Variants in TENM4 observed in about 807,000 individuals in gnomAD.
The protein encoded by TENM4 is teneurin transmembrane protein 4.
TENM4 carries 82 observed loss-of-function variants against 243.3 expected under a neutral mutation model. The ratio of observed to expected loss-of-function variants is 0.34; its 90% CI spans 0.28 to 0.40. The LOEUF is 0.40. Ranked by LOEUF, TENM4 falls within the 10% of genes least tolerant of loss-of-function variation. The pLI is 1.00. For missense variants in TENM4, 3,138 were observed against 3,673.3 expected (o/e 0.85, Z 3.77); for synonymous variants, 1,412 against 1,456.3 (o/e 0.97, Z 0.69).
intron 1 of TENM4, among the ~76,000 whole-genome samples, chr11:79,377,524 T>C (rs1220613319): frequency 6.6e-6 from 1 of 152,184 alleles, no homozygotes; most frequent in African/African-American, 2.4e-5. Flanking sequence ...AGAGTAACAG[T>C]TCGCACCTGC....
Position 79,171,415 on chromosome 11 carries a change from C to T in TENM4, c.-162-22609G>A, listed in dbSNP as rs1431959090. Among the ~76,000 whole-genome samples, 3 of 152,214 alleles carry T rather than the reference C, an allele frequency of 2.0e-5. No individual in the cohort carries two copies. The East Asian group carries it at 5.8e-4, about 29-fold the overall frequency. Reference sequence around the variant, plus strand: ...TGAGGATTATCTTCCAAGACTGTGCCTTCCTAGAGGGAAACCCAGCCATGG... The same window carrying T: ...TGAGGATTATCTTCCAAGACTGTGCTTTCCTAGAGGGAAACCCAGCCATGG... On this transcript the variant is annotated intron_variant, in intron 3 of 33. Coordinates refer to ENST00000278550, the MANE Select transcript of TENM4 (RefSeq NM_001098816.3).
chr11:79,167,825 T>C (rs55668959), intron 3 of TENM4, among the ~76,000 whole-genome samples: 4,843 of 152,256 alleles, frequency 0.032, 261 homozygotes, highest in African/African-American at 0.11. Flanking sequence ...ACCAGGCTCC[T>C]TCTGTGTCCA....
At chr11:79,371,352 G>A (rs1047693919) in intron 1 of TENM4, among the ~76,000 whole-genome samples, 1 of 152,196 alleles carries the variant, frequency 6.6e-6, no homozygotes, top group Non-Finnish European at 1.5e-5. Context: ...TGCAGCTGGA[G>A]AAGAGTTGGG....
At chr11:79,242,318 T>C (rs1855436109) in intron 2 of TENM4, among the ~76,000 whole-genome samples, 1 of 152,192 alleles carries the variant, frequency 6.6e-6, no homozygotes, top group African/African-American at 2.4e-5. Context: ...TTTTCCTTCA[T>C]TGCCTGTGAG....
chr11:79,419,318 T>C (rs1473378048), intron 1 of TENM4, among the ~76,000 whole-genome samples: 2 of 152,200 alleles, frequency 1.3e-5, no homozygotes, highest in African/African-American at 4.8e-5. Flanking sequence ...TCACTGCTTA[T>C]AAACCACCAG....
chr11:79,409,348 C>G (rs1284979473), intron 1 of TENM4, among the ~76,000 whole-genome samples: 1 of 151,964 alleles, frequency 6.6e-6, no homozygotes, highest in Admixed American at 6.6e-5. Flanking sequence ...GGGCATAGAG[C>G]AGGACTGAAA....
At chr11:79,287,495 G>A (rs1422167078) in intron 2 of TENM4, among the ~76,000 whole-genome samples, 19 of 152,142 alleles carry the variant, frequency 1.2e-4, no homozygotes, top group Non-Finnish European at 7.4e-5. Context: ...TGTAGATCAT[G>A]AATGTCTAGT....
intron 4 of TENM4, among the ~76,000 whole-genome samples, chr11:79,120,901 A>G (rs1861731550): frequency 1.3e-5 from 2 of 152,328 alleles, no homozygotes; most frequent in South Asian, 4.1e-4. Context: ...AATCTATGAG[A>G]TAGACATTAC....
At chr11:78,718,335 G>A (rs1052333890) in intron 25 of TENM4, among the ~76,000 whole-genome samples, 6 of 152,060 alleles carry the variant, frequency 3.9e-5, no homozygotes, top group East Asian at 1.9e-4. Flanking sequence ...TTTTAGTACC[G>A]AAGAAAACAA....
intron 1 of TENM4, among the ~76,000 whole-genome samples, chr11:79,394,091 G>A (rs548446556): frequency 6.6e-6 from 1 of 152,328 alleles, no homozygotes; most frequent in South Asian, 2.1e-4. Context: ...CACCTCACCT[G>A]CGGAAATGCC....
At chr11:79,090,405 A>G (rs112526145) in intron 4 of TENM4, among the ~76,000 whole-genome samples, 1 of 152,268 alleles carries the variant, frequency 6.6e-6, no homozygotes, top group Non-Finnish European at 1.5e-5. Flanking sequence ...TAAATGCAAC[A>G]TGCAGACACC....
chr11:78,672,013 G>T lies in TENM4; in HGVS notation c.5793+20C>A. 6.2e-7 allele frequency: 1 copy of T among 1,602,624 alleles called. No homozygotes were observed. Among genetic ancestry groups the T allele is most frequent in the Non-Finnish European group, 8.5e-7 (1 of 1,173,328 alleles). Reference sequence around the variant, plus strand: ...CCTTCTGTATGGCAAGGCCAGTGATGCAGGGAGACAGACACCTGCCTTCTC... The same window carrying T: ...CCTTCTGTATGGCAAGGCCAGTGATTCAGGGAGACAGACACCTGCCTTCTC... On this transcript the variant is annotated intron_variant, in intron 31 of 33. Transcript: ENST00000278550.
intron 3 of TENM4, among the ~76,000 whole-genome samples, chr11:79,178,759 G>T: frequency 6.6e-6 from 1 of 152,130 alleles, no homozygotes; most frequent in East Asian, 1.9e-4. Flanking sequence ...CCACCCACAG[G>T]GTCCAGCACA....
chr11:78,908,483 C>T (rs1856113713), intron 6 of TENM4, among the ~76,000 whole-genome samples: 2 of 152,154 alleles, frequency 1.3e-5, no homozygotes, highest in Non-Finnish European at 2.9e-5. Context: ...CACTCTTCAG[C>T]GTTTACAACA....
In TENM4 at chr11:78,702,484, C is replaced by T. The variant is rs1859132466; in HGVS notation, c.4210-81G>A. On this transcript the variant is annotated intron_variant, in intron 27 of 33. Coordinates refer to ENST00000278550, the MANE Select transcript of TENM4 (RefSeq NM_001098816.3). ...ATCCCATAGCCCATGTAGCCCATAA[C>T]AGTGTCCAAAGTGGCTTCATATACA... 4 of 1,516,960 alleles carry T rather than the reference C, an allele frequency of 2.6e-6. No homozygotes were observed. In the African/African-American group the frequency reaches 4.1e-5, roughly 16 times the overall value. 94.0% of individuals were successfully genotyped at this position (1,516,960 alleles called of 1,614,324 possible).
At chr11:79,409,987 A>T (rs1300804514) in intron 1 of TENM4, among the ~76,000 whole-genome samples, 2 of 152,156 alleles carry the variant, frequency 1.3e-5, no homozygotes, top group Admixed American at 6.5e-5. Flanking sequence ...GCCACACTGG[A>T]AGAAGAACTG....
intron 1 of TENM4, among the ~76,000 whole-genome samples, chr11:79,299,333 C>CT (rs1856513584): frequency 6.6e-6 from 1 of 152,170 alleles, no homozygotes; most frequent in South Asian, 2.1e-4. Flanking sequence ...CAGCTAGTAA[C>CT]TGAAGGAGCC....
rs1193173420 is a variant in TENM4, at chr11:78,888,504, T to C, written c.1084+1281A>G. Among the ~76,000 whole-genome samples the C allele has an allele frequency of 2.6e-5, 4 of 152,240 alleles. No homozygotes were observed. In the South Asian group the frequency reaches 8.3e-4, roughly 31 times the overall value. On this transcript the variant is annotated intron_variant, in intron 9 of 33. Coordinates refer to ENST00000278550, the MANE Select transcript of TENM4 (RefSeq NM_001098816.3). Reference sequence around the variant, plus strand: ...TGTCATCTTCCTGGTCACTTATTTTTATAAAATTCAAGAATCTTGAGTGGA... The same window carrying C: ...TGTCATCTTCCTGGTCACTTATTTTCATAAAATTCAAGAATCTTGAGTGGA...
intron 2 of TENM4, among the ~76,000 whole-genome samples, chr11:79,285,830 A>G (rs1301981920): frequency 6.6e-6 from 1 of 152,106 alleles, no homozygotes; most frequent in Non-Finnish European, 1.5e-5. Context: ...AGGCAAGTCC[A>G]TAAAGAGGGA....
Sources: allele counts gnomAD v4.1 joint callset (sites outside exome capture counted in the v4.1 genomes callset), GRCh38; gene constraint gnomAD v4.1.1; transcripts MANE v1.5; gene names NCBI Gene and HGNC (gene_info 2026-07-23, HGNC 2026-07-21).